The following GUCY1A2 variants were observed in gnomAD, a reference collection of about 807,000 sequenced individuals.
GUCY1A2 encodes guanylate cyclase soluble subunit alpha-2.
GUCY1A2 carries 27 observed loss-of-function variants against 63.5 expected under a neutral mutation model. The observed-to-expected ratio is 0.43, with a 90% CI of 0.31 to 0.59. The LOEUF is 0.59. Among genes scored for constraint, GUCY1A2 ranks in the 20% least tolerant of loss-of-function variants. The probability of loss-of-function intolerance (pLI) is 0.11; values close to 1 mark genes in which losing one functional copy is unlikely to be tolerated. For synonymous variants in GUCY1A2, 364 were observed against 343.5 expected (o/e 1.06, Z -0.66); for missense variants, 768 against 913.3 (o/e 0.84, Z 2.05).
At chr11:106,760,482 AAC>A (rs149986731) in intron 6 of GUCY1A2, among the ~76,000 whole-genome samples, 13 of 152,316 alleles carry the variant, frequency 8.5e-5, no homozygotes, top group African/African-American at 3.1e-4. Flanking sequence ...TATTTTTTAT[AAC>A]AGTCATAGTT....
chr11:106,815,153 T>C (rs1432228700), intron 4 of GUCY1A2, among the ~76,000 whole-genome samples: 1 of 151,852 alleles, frequency 6.6e-6, no homozygotes, highest in East Asian at 1.9e-4. Flanking sequence ...ATAGAAAACA[T>C]GCTGGGTGGG....
chr11:106,917,598 G>A (rs1860384671), intron 4 of GUCY1A2, among the ~76,000 whole-genome samples: 2 of 144,448 alleles, frequency 1.4e-5, no homozygotes, highest in Non-Finnish European at 3.1e-5. Context: ...ATACACCATG[G>A]AATACTATGC....
At chr11:106,740,250 T>A (rs1863670019) in intron 6 of GUCY1A2, among the ~76,000 whole-genome samples, 1 of 152,002 alleles carries the variant, frequency 6.6e-6, no homozygotes, top group Non-Finnish European at 1.5e-5. Flanking sequence ...CCCACGTGCC[T>A]TGGCCTCCCA....
At chr11:106,906,074 A>G (rs559159074) in intron 4 of GUCY1A2, among the ~76,000 whole-genome samples, 1 of 152,306 alleles carries the variant, frequency 6.6e-6, no homozygotes, top group African/African-American at 2.4e-5. Context: ...AATGGCAACA[A>G]AAGCTAGAAG....
chr11:106,725,627 C>T lies in GUCY1A2; in HGVS notation c.1837-16961G>A, dbSNP rs894059594. Among the ~76,000 whole-genome samples, 4 of 151,986 alleles carry T rather than the reference C, an allele frequency of 2.6e-5. No homozygotes were observed. The South Asian group carries it at 6.2e-4, about 24-fold the overall frequency. ...CAAAAATGAAGCCATGGTAGAGTAT[C>T]ATGTATAGTATATGGTAATATTTTA... On this transcript the variant is annotated intron_variant, in intron 6 of 7. Transcript: ENST00000526355.
chr11:106,713,880 TTTGCTAGAAG>T (rs1318814848), intron 6 of GUCY1A2, among the ~76,000 whole-genome samples: 1 of 152,040 alleles, frequency 6.6e-6, no homozygotes, highest in Non-Finnish European at 1.5e-5. Context: ...GCAATGCATG[TTTGCTAGAAG>T]TACACCCAAA....
In GUCY1A2 at chr11:106,682,757, T is replaced by G; in HGVS notation, c.*4792A>C. 4.8e-6 allele frequency: 1 copy of G among 209,922 alleles called. No individual in the cohort carries two copies. The highest frequency in any genetic ancestry group is 9.7e-6 in the Non-Finnish European group (1 of 103,184). The allele number at this position is 209,922 out of a possible 1,614,324, so 13.0% of individuals were successfully genotyped here. Reference sequence around the variant, plus strand: ...ATAAAACTATTTTAGAATATGGGATTAGCTGTGATACTTCCTGTGTTATAA... The same window carrying G: ...ATAAAACTATTTTAGAATATGGGATGAGCTGTGATACTTCCTGTGTTATAA... On this transcript the variant is annotated 3_prime_UTR_variant, in exon 8 of 8. Coordinates refer to ENST00000526355, the MANE Select transcript of GUCY1A2 (RefSeq NM_000855.3).
rs567855756 is a variant in GUCY1A2 at position 106,707,245 on chromosome 11, C to T, written c.1991+1267G>A. ...TCTATTTTGCAGAATCTGGAAGTAT[C>T]TGCTTTCATCTAAAAACTTTAAATT... On this transcript the variant is annotated intron_variant, in intron 7 of 7. Coordinates refer to ENST00000526355, the MANE Select transcript of GUCY1A2 (RefSeq NM_000855.3). Among the ~76,000 whole-genome samples, 6 of 152,144 alleles carry T rather than the reference C, an allele frequency of 3.9e-5. No homozygotes were observed. In the South Asian group the frequency reaches 1.2e-3, roughly 32 times the overall value.
At chr11:106,904,885 T>C (rs1860183177) in intron 4 of GUCY1A2, among the ~76,000 whole-genome samples, 1 of 152,072 alleles carries the variant, frequency 6.6e-6, no homozygotes, top group Admixed American at 6.6e-5. Flanking sequence ...TCTAGGTAGT[T>C]CTGACTCTTG....
chr11:106,717,116 G>T (rs940891438), intron 6 of GUCY1A2, among the ~76,000 whole-genome samples: 1 of 152,138 alleles, frequency 6.6e-6, no homozygotes, highest in East Asian at 1.9e-4. Context: ...TGAGTCAGTG[G>T]ATTCCTTTAA....
At chr11:106,822,138 G>T (rs1377308595) in intron 4 of GUCY1A2, among the ~76,000 whole-genome samples, 1 of 152,128 alleles carries the variant, frequency 6.6e-6, no homozygotes, top group African/African-American at 2.4e-5. Context: ...AGGAATAATA[G>T]AACAGTTGCT....
At chr11:106,921,362 AG>A (rs570228741) in intron 4 of GUCY1A2, among the ~76,000 whole-genome samples, 35 of 151,756 alleles carry the variant, frequency 2.3e-4, no homozygotes, top group African/African-American at 8.5e-4. Flanking sequence ...GCATATTCCC[AG>A]GGATCCATGC....
chr11:106,688,175 G>T (rs1246332519), intron 7 of GUCY1A2, among the ~76,000 whole-genome samples: 1 of 152,070 alleles, frequency 6.6e-6, no homozygotes. Context: ...CTCCTTTTAT[G>T]TTTGGTAAAC....
At chr11:106,780,110 A>G (rs556418404) in intron 5 of GUCY1A2, among the ~76,000 whole-genome samples, 1 of 152,270 alleles carries the variant, frequency 6.6e-6, no homozygotes, top group South Asian at 2.1e-4. Flanking sequence ...GCAGTGGGCT[A>G]TGATTTCACC....
intron 1 of GUCY1A2, among the ~76,000 whole-genome samples, chr11:107,014,004 T>C (rs1473813521): frequency 6.6e-6 from 1 of 151,898 alleles, no homozygotes. Context: ...TTAAATAGCA[T>C]TTTGGTGCCC....
chr11:106,803,459 GC>G (rs1469624083), intron 5 of GUCY1A2, among the ~76,000 whole-genome samples: 2 of 151,958 alleles, frequency 1.3e-5, no homozygotes, highest in African/African-American at 4.8e-5. Flanking sequence ...AAATAAATAA[GC>G]ATTTTATCTA....
At chr11:106,894,614 A>G (rs967653927) in intron 4 of GUCY1A2, among the ~76,000 whole-genome samples, 4 of 152,218 alleles carry the variant, frequency 2.6e-5, no homozygotes, top group Non-Finnish European at 5.9e-5. Context: ...ATGGGGTTAA[A>G]TTATGAGTCA....
chr11:106,757,050 T>C (rs761289206), intron 6 of GUCY1A2, among the ~76,000 whole-genome samples: 5 of 152,250 alleles, frequency 3.3e-5, no homozygotes, highest in Non-Finnish European at 7.3e-5. Flanking sequence ...TAATTTCTTT[T>C]TACTCTTTTT....
chr11:106,843,628 G>T (rs1222783109), intron 4 of GUCY1A2, among the ~76,000 whole-genome samples: 1 of 151,814 alleles, frequency 6.6e-6, no homozygotes, highest in African/African-American at 2.4e-5. Flanking sequence ...ATTGATAAAG[G>T]TTCTACTTCT....
Sources: allele counts gnomAD v4.1 joint callset (sites outside exome capture counted in the v4.1 genomes callset), GRCh38; gene constraint gnomAD v4.1.1; transcripts MANE v1.5; gene names NCBI Gene and HGNC (gene_info 2026-07-23, HGNC 2026-07-21).